B3GALNT2: variants seen among roughly 807,000 people sequenced by gnomAD.
The protein encoded by B3GALNT2 is UDP-GalNAc:beta-1,3-N-acetylgalactosaminyltransferase 2.
In B3GALNT2, 53 loss-of-function variants were observed where a neutral mutation model predicts 61.1. The observed-to-expected ratio is 0.87, with a 90% CI of 0.70 to 1.09. The LOEUF (loss-of-function observed/expected upper bound fraction) is 1.09, where lower values mean the gene tolerates loss of function less well. Ranked by LOEUF, B3GALNT2 falls within the 50% of genes least tolerant of loss-of-function variation. The pLI is 0.00. For synonymous variants in B3GALNT2, 223 were observed against 237.4 expected, an observed-to-expected ratio of 0.94 and a Z score of 0.56; for missense variants, 544 against 623.0, an observed-to-expected ratio of 0.87 and a Z score of 1.35.
At chr1:235,501,968 T>C (rs1685600769) in intron 1 of B3GALNT2, among the ~76,000 whole-genome samples, 1 of 152,096 alleles carries the variant, frequency 6.6e-6, no homozygotes, top group African/African-American at 2.4e-5. Flanking sequence ...GCTTTGAAAG[T>C]ACCAAAAGGA....
intron 7 of B3GALNT2, among the ~76,000 whole-genome samples, chr1:235,461,384 AT>A (rs951781989): frequency 6.0e-5 from 9 of 150,864 alleles, no homozygotes; most frequent in South Asian, 2.1e-4. Flanking sequence ...CCAGGAATCT[AT>A]TTTTTTTCCT....
intron 2 of B3GALNT2, among the ~76,000 whole-genome samples, chr1:235,494,455 A>C: frequency 7.9e-6 from 1 of 125,854 alleles, no homozygotes. Flanking sequence ...GTTTTTCAGA[A>C]CTTTTTTTTT....
Position 235,504,241 on chromosome 1 carries a change from C to T in B3GALNT2, c.12G>A (p.Trp4Ter), listed in dbSNP as rs1263859621. The T allele has an allele frequency of 1.0e-5, 15 of 1,486,344 alleles. No individual in the cohort carries two copies. Among genetic ancestry groups the T allele is most frequent in the African/African-American group, 1.5e-5 (1 of 68,258 alleles). 92.1% of individuals were successfully genotyped at this position (1,486,344 alleles called of 1,614,324 possible). A position where few individuals can be genotyped will look rare whatever the true frequency, so the allele number is the denominator to read the frequency against. The part of the protein sequence containing the change: MRN[W>*]LVLLCPCVLG... ...GCACACACGGGCACAGCAGCACCAG[C>T]CAGTTTCGCATTGGCCGCCCCCGCC... The change falls in exon 1 of 12, where the codon TGG becomes TGA. Residue 4 changes from tryptophan to a stop codon, truncating the protein, a stop_gained. Transcript: ENST00000366600. LOFTEE classifies it high-confidence loss of function.
intron 3 of B3GALNT2, among the ~76,000 whole-genome samples, chr1:235,488,022 C>T (rs1684883873): frequency 6.6e-6 from 1 of 152,122 alleles, no homozygotes; most frequent in Non-Finnish European, 1.5e-5. Context: ...CTCCTCCCAC[C>T]GTGGTGTCCC....
chr1:235,504,156 C>G lies in B3GALNT2; in HGVS notation c.97G>C (p.Gly33Arg), dbSNP rs1006228968. 2.3e-6 allele frequency: 3 copies of G among 1,289,042 alleles called. No individual in the cohort carries two copies. The highest frequency in any genetic ancestry group is 1.6e-5 in the African/African-American group (1 of 64,454). 79.9% of individuals were successfully genotyped at this position (1,289,042 alleles called of 1,614,324 possible). ...LRSPPPACAS[G>R]AGPADQLALF... ...AGGACCTCACCTGCAGGGCCGGCCC[C>G]GGAGGCGCAGGCGGGCGGCGGGGAG... The change falls in exon 1 of 12, where the codon GGG becomes CGG. Residue 33 changes from glycine to arginine, a missense_variant. By Grantham distance (125) the Gly-to-Arg change is moderately radical (BLOSUM62 -2). Coordinates refer to ENST00000366600, the MANE Select transcript of B3GALNT2 (RefSeq NM_152490.5).
chr1:235,458,990 A>G (rs753874587), intron 7 of B3GALNT2, among the ~76,000 whole-genome samples: 1 of 152,198 alleles, frequency 6.6e-6, no homozygotes, highest in Admixed American at 6.5e-5. Flanking sequence ...GCAATTTGGC[A>G]ATATCTATTT....
intron 1 of B3GALNT2, among the ~76,000 whole-genome samples, chr1:235,499,861 G>A (rs547699873): frequency 6.6e-6 from 1 of 152,282 alleles, no homozygotes; most frequent in East Asian, 1.9e-4. Context: ...CTGGTATGAG[G>A]TTCTTATGAC....
At chr1:235,487,215 G>A (rs1189747282) in intron 3 of B3GALNT2, among the ~76,000 whole-genome samples, 1 of 150,600 alleles carries the variant, frequency 6.6e-6, no homozygotes, top group African/African-American at 2.4e-5. Context: ...TTTCTCCCCA[G>A]CACACAATTC....
downstream of B3GALNT2, among the ~76,000 whole-genome samples, chr1:235,445,225 G>C (rs1365427086): frequency 6.6e-6 from 1 of 152,072 alleles, no homozygotes; most frequent in African/African-American, 2.4e-5. Context: ...TTGCTTTTCT[G>C]TTTCTCAAAT....
intron 6 of B3GALNT2, among the ~76,000 whole-genome samples, chr1:235,466,686 T>C (rs1047178299): frequency 3.9e-5 from 6 of 152,196 alleles, no homozygotes; most frequent in Non-Finnish European, 8.8e-5. Flanking sequence ...TTAAGCCTAT[T>C]GTGCCAGCAG....
chr1:235,448,803 G>A lies in B3GALNT2; in HGVS notation c.*1403C>T. On this transcript the variant is annotated 3_prime_UTR_variant, in exon 12 of 12. Coordinates refer to ENST00000366600, the MANE Select transcript of B3GALNT2 (RefSeq NM_152490.5). ...ATTTAAAGACCACACTGCTTATCGTGTCTGGGGTTCACCGGAAATAAATGA... is the reference window on the plus strand; with the variant it reads ...ATTTAAAGACCACACTGCTTATCGTATCTGGGGTTCACCGGAAATAAATGA... The A allele has an allele frequency of 1.4e-6, 2 of 1,383,342 alleles. No individual in the cohort carries two copies. The highest frequency in any genetic ancestry group is 2.1e-6 in the Non-Finnish European group (2 of 972,346). 85.7% of individuals were successfully genotyped at this position (1,383,342 alleles called of 1,614,324 possible).
Position 235,503,322 on chromosome 1 carries a change from G to A in B3GALNT2, c.112+819C>T, listed in dbSNP as rs11802360. ...CTTAAAGAAGAAGACAAGAGATACA[G>A]GGAAAGCTAAAGTAGTGTTCAGGGT... On this transcript the variant is annotated intron_variant, in intron 1 of 11. Transcript: ENST00000366600. 2.8e-3 allele frequency among the ~76,000 whole-genome samples: 420 copies of A among 152,340 alleles called. 2 individuals are homozygous for A. Among genetic ancestry groups the A allele is most frequent in the African/African-American group, 9.5e-3 (396 of 41,578 alleles).
At chr1:235,474,570 A>G (rs1684148380) in intron 5 of B3GALNT2, among the ~76,000 whole-genome samples, 1 of 152,144 alleles carries the variant, frequency 6.6e-6, no homozygotes, top group African/African-American at 2.4e-5. Flanking sequence ...CTGTAATCCC[A>G]GCACTTTGGG....
intron 3 of B3GALNT2, among the ~76,000 whole-genome samples, chr1:235,486,182 T>C (rs1249721041): frequency 6.6e-6 from 1 of 152,136 alleles, no homozygotes; most frequent in African/African-American, 2.4e-5. Flanking sequence ...TCAGTAGATA[T>C]TCAGTAAAAT....
intron 1 of B3GALNT2, among the ~76,000 whole-genome samples, chr1:235,500,407 G>T (rs531785854): frequency 1.3e-5 from 2 of 152,288 alleles, no homozygotes; most frequent in Admixed American, 1.3e-4. Flanking sequence ...CTTCAACCCG[G>T]AGGCAGAGGT....
At position 235,480,077 on chromosome 1, in the gene B3GALNT2, C is replaced by T. The variant is rs781198538; in HGVS notation, c.628G>A (p.Val210Met). 39 of 1,613,750 alleles carry T rather than the reference C, an allele frequency of 2.4e-5. No homozygotes were observed. Among genetic ancestry groups the T allele is most frequent in the Non-Finnish European group, 2.7e-5 (32 of 1,179,830 alleles). ...ACCTCTGGTAAGATGAATTGTTCCA[C>T]GGGCTTGTACCACAGCTTGTTCACC... Reference protein sequence around the residue: ...VQVNKLWYKPVEQFILPESFE... With the variant: ...VQVNKLWYKPMEQFILPESFE... Residue 210 changes from valine to methionine, a missense_variant, in exon 5 of 12, where the codon GTG becomes ATG. Coordinates refer to ENST00000366600, the MANE Select transcript of B3GALNT2 (RefSeq NM_152490.5).
intron 11 of B3GALNT2, 62 bp from the exon 12 acceptor site, chr1:235,450,402 G>T (rs1180416704): frequency 1.3e-6 from 2 of 1,553,400 alleles, no homozygotes; most frequent in Non-Finnish European, 1.8e-6. Flanking sequence ...GCATCAGAAA[G>T]TATGCACGTA....
intron 1 of B3GALNT2, chr1:235,496,235 CG>C: frequency 4.0e-6 from 1 of 252,656 alleles, no homozygotes; most frequent in South Asian, 3.8e-5. Flanking sequence ...CTCTTGAACC[CG>C]GGAGGTGGAG....
chr1:235,444,517 C>T (rs1682113364), downstream of B3GALNT2, among the ~76,000 whole-genome samples: 1 of 152,206 alleles, frequency 6.6e-6, no homozygotes, highest in South Asian at 2.1e-4. Context: ...GATCCTCCTA[C>T]CTCAGCCTCC....
Sources: allele counts gnomAD v4.1 joint callset (sites outside exome capture counted in the v4.1 genomes callset), GRCh38; gene constraint gnomAD v4.1.1; transcripts MANE v1.5; gene names NCBI Gene and HGNC (gene_info 2026-07-23, HGNC 2026-07-21).